RNASEH1: variants seen among roughly 807,000 people sequenced by gnomAD.
RNASEH1 encodes the protein ribonuclease H1, also known as ribonuclease H type II.
In RNASEH1, 27 loss-of-function variants were observed where a neutral mutation model predicts 34.6. That is an observed-to-expected ratio of 0.78 (90% CI 0.58 to 1.08). The LOEUF is 1.08. RNASEH1 is among the 50% of genes least tolerant of loss of function. The pLI is 0.00. For missense variants in RNASEH1, 349 were observed against 373.6 expected (o/e 0.93, Z 0.54); for synonymous variants, 162 against 138.4 (o/e 1.17, Z -1.20).
chr2:3,548,146 G>C, intron 6 of RNASEH1, 91 bp from the exon 7 acceptor site: 1 of 1,457,086 alleles, frequency 6.9e-7, no homozygotes, highest in African/African-American at 1.4e-5. Flanking sequence ...GATCCCACTT[G>C]TATTCTGAGT....
rs1343143107 is a variant in RNASEH1 at position 3,550,361 on chromosome 2, C to T, written c.509+12G>A. ...AACATGATTCAGTAAAACTCAGCTTCGTTTAACTTACAAAGGATGGCCTGG... is the reference window on the plus strand; with the variant it reads ...AACATGATTCAGTAAAACTCAGCTTTGTTTAACTTACAAAGGATGGCCTGG... On this transcript the variant is annotated intron_variant, in intron 4 of 7. Coordinates refer to ENST00000315212, the MANE Select transcript of RNASEH1 (RefSeq NM_002936.6). The T allele has an allele frequency of 1.2e-5, 19 of 1,594,520 alleles. No individual in the cohort carries two copies. The highest frequency in any genetic ancestry group is 4.4e-5 in the South Asian group (4 of 90,752).
In RNASEH1 at chr2:3,544,558, A is replaced by G. The variant is rs935723902; in HGVS notation, c.*1227T>C. On this transcript the variant is annotated 3_prime_UTR_variant, in exon 8 of 8. Coordinates refer to ENST00000315212, the MANE Select transcript of RNASEH1 (RefSeq NM_002936.6). Reference sequence around the variant, plus strand: ...GTCAGGATTACTTGTTGGGGCAAGGAGGGGGAGAAGAAGAGGGCTGTGGCT... The same window carrying G: ...GTCAGGATTACTTGTTGGGGCAAGGGGGGGGAGAAGAAGAGGGCTGTGGCT... Among the ~76,000 whole-genome samples, 4 of 152,144 alleles carry G rather than the reference A, an allele frequency of 2.6e-5. No homozygotes were observed. The highest frequency in any genetic ancestry group is 9.7e-5 in the African/African-American group (4 of 41,424).
intron 4 of RNASEH1, 77 bp downstream of exon 4, chr2:3,550,296 A>C: frequency 8.2e-7 from 1 of 1,222,734 alleles, no homozygotes; most frequent in Non-Finnish European, 1.2e-6. Flanking sequence ...CAATAATCAA[A>C]CAATGAGCAG....
chr2:3,554,327 T>C (rs1490336445), intron 2 of RNASEH1, among the ~76,000 whole-genome samples: 5 of 152,214 alleles, frequency 3.3e-5, no homozygotes, highest in Admixed American at 3.3e-4. Flanking sequence ...TGGTTTTACT[T>C]ACTATAACAG....
intron 2 of RNASEH1, among the ~76,000 whole-genome samples, chr2:3,554,714 T>C (rs1391382342): frequency 6.6e-6 from 1 of 152,158 alleles, no homozygotes; most frequent in African/African-American, 2.4e-5. Flanking sequence ...AGACTTGAGA[T>C]ACAAATAAAT....
intron 1 of RNASEH1, chr2:3,557,644 T>G (rs1170357550): frequency 2.6e-6 from 1 of 379,684 alleles, no homozygotes; most frequent in Non-Finnish European, 5.4e-6. Flanking sequence ...CCCCAAGAAC[T>G]ATACCTGAAA....
chr2:3,534,795 A>C, the RNASEH1 span, among the ~76,000 whole-genome samples: 1 of 152,262 alleles, frequency 6.6e-6, no homozygotes, highest in Non-Finnish European at 1.5e-5. Flanking sequence ...ATCCTGTGCC[A>C]CATCCACACA....
chr2:3,534,377 A>C, the RNASEH1 span: 1 of 152,370 alleles, frequency 6.6e-6, no homozygotes, highest in African/African-American at 2.4e-5. Context: ...TGCGGGCGGC[A>C]GGAATGAACT....
At chr2:3,548,946 T>C in intron 5 of RNASEH1, 112 bp downstream of exon 5, 2 of 973,964 alleles carry the variant, frequency 2.1e-6, no homozygotes, top group Non-Finnish European at 3.2e-6. Flanking sequence ...ATTAAACCCG[T>C]CTCTCTTCAA....
chr2:3,539,873 G>A (rs1209414474), downstream of RNASEH1, among the ~76,000 whole-genome samples: 1 of 152,164 alleles, frequency 6.6e-6, no homozygotes, highest in Non-Finnish European at 1.5e-5. Context: ...GAAATCAGGA[G>A]TGCAGCTTTC....
the RNASEH1 span, chr2:3,533,481 G>A: frequency 5.9e-5 from 9 of 152,286 alleles, no homozygotes; most frequent in South Asian, 8.3e-4. Flanking sequence ...GGGCTGCTAC[G>A]AGTCGGCTCA....
chr2:3,554,568 A>C (rs931859653), intron 2 of RNASEH1, among the ~76,000 whole-genome samples: 36 of 152,254 alleles, frequency 2.4e-4, no homozygotes, highest in Admixed American at 2.2e-3. Flanking sequence ...TGAATCATTA[A>C]AGGCACTAAA....
rs1396611177 is a variant in RNASEH1 at position 3,548,713 on chromosome 2, T to C, written c.576A>G (p.Lys192=). Residue 192 remains lysine, a synonymous_variant, in exon 6 of 8, where the codon AAA becomes AAG. Transcript: ENST00000315212. ...NQRAEIHAAC[K]AIEQAKTQNI... ...TTTGAGTCTTTGCTTGTTCAATGGC[T>C]TTGCAGGCTGCCTTGAAAAGACAAG... The C allele has an allele frequency of 6.2e-7, 1 of 1,612,726 alleles. No individual in the cohort carries two copies. The highest frequency in any genetic ancestry group is 2.2e-5 in the East Asian group (1 of 44,862).
the RNASEH1 span, chr2:3,534,035 TC>T: frequency 6.6e-6 from 1 of 151,810 alleles, no homozygotes; most frequent in Non-Finnish European, 1.5e-5. Context: ...CAGCACACAC[TC>T]CCCCTTTCTG....
chr2:3,535,058 T>G, the RNASEH1 span, among the ~76,000 whole-genome samples: 1 of 152,090 alleles, frequency 6.6e-6, no homozygotes, highest in East Asian at 1.9e-4. Context: ...GTTCTGGAGA[T>G]GGAGGGTGCT....
At chr2:3,535,311 C>T in the RNASEH1 span, among the ~76,000 whole-genome samples, 1 of 151,264 alleles carries the variant, frequency 6.6e-6, no homozygotes, top group African/African-American at 2.4e-5. Flanking sequence ...CTCTAGTCCC[C>T]AGCTACTTGG....
At chr2:3,550,594 G>A (rs748088274) in intron 3 of RNASEH1, 122 bp from the exon 4 acceptor site, 32 of 730,314 alleles carry the variant, frequency 4.4e-5, no homozygotes, top group Middle Eastern at 2.3e-4. Flanking sequence ...CGCTGCAGAC[G>A]TTTTCTCTCT....
chr2:3,532,350 C>G, the RNASEH1 span: 3 of 702,296 alleles, frequency 4.3e-6, no homozygotes, highest in African/African-American at 3.5e-5. Context: ...GCGAGTGGTT[C>G]ACAGGTGCCA....
downstream of RNASEH1, among the ~76,000 whole-genome samples, chr2:3,538,806 CCT>C (rs1163240430): frequency 5.3e-5 from 8 of 152,210 alleles, no homozygotes; most frequent in African/African-American, 1.7e-4. Flanking sequence ...GTGGGCCACG[CCT>C]CTGTCTGGTG....
Sources: gnomAD v4.1 joint callset for allele counts (sites outside exome capture counted in the v4.1 genomes callset) on GRCh38, gnomAD v4.1.1 for gene constraint, MANE v1.5 for transcripts, NCBI Gene and HGNC (gene_info 2026-07-23, HGNC 2026-07-21) for gene names.